SLC39A10: variants seen among roughly 807,000 people sequenced by gnomAD.
SLC39A10 encodes the protein solute carrier family 39 member 10, also known as zinc transporter ZIP10.
A neutral mutation model predicts 65.1 loss-of-function variants in SLC39A10; 13 were observed. That is an observed-to-expected ratio of 0.20 (90% CI 0.13 to 0.32). The LOEUF (loss-of-function observed/expected upper bound fraction) is 0.32. Ranked by LOEUF, SLC39A10 falls within the 10% of genes least tolerant of loss-of-function variation. The pLI is 1.00. For synonymous variants in SLC39A10, 321 were observed against 342.2 expected (o/e 0.94, Z 0.68); for missense variants, 831 against 1,018.4 (o/e 0.82, Z 2.50).
At chr2:195,660,722 AAAG>A (rs1689360986) in intron 1 of SLC39A10, among the ~76,000 whole-genome samples, 1 of 152,190 alleles carries the variant, frequency 6.6e-6, no homozygotes, top group Non-Finnish European at 1.5e-5. Flanking sequence ...TTGCTCCAAA[AAAG>A]AAATTTACGT....
At chr2:195,672,432 C>T (rs1207573756) in intron 1 of SLC39A10, among the ~76,000 whole-genome samples, 1 of 152,042 alleles carries the variant, frequency 6.6e-6, no homozygotes, top group South Asian at 2.1e-4. Context: ...CATACCTGGC[C>T]TAAATGATTC....
rs1168477291 is a variant in SLC39A10, at chr2:195,728,940, G to A, written c.2337+591G>A. Reference sequence around the variant, plus strand: ...TAGGACATTTACTTTTTTTTTTCTGGTAAGATCACAGTCTTATTTCAAAAT... The same window carrying A: ...TAGGACATTTACTTTTTTTTTTCTGATAAGATCACAGTCTTATTTCAAAAT... On this transcript the variant is annotated intron_variant, in intron 9 of 9. Coordinates refer to ENST00000359634, the MANE Select transcript of SLC39A10 (RefSeq NM_020342.3). This position sits in a 1 kb window ranked among gnomAD's most constrained non-coding sequence, Gnocchi z 4.4. Among the ~76,000 whole-genome samples, 1 of 147,238 alleles carries A rather than the reference G, an allele frequency of 6.8e-6. No homozygotes were observed. Among genetic ancestry groups the A allele is most frequent in the Admixed American group, 6.8e-5 (1 of 14,786 alleles).
intron 3 of SLC39A10, among the ~76,000 whole-genome samples, chr2:195,689,676 T>C (rs1690655909): frequency 6.6e-6 from 1 of 152,174 alleles, no homozygotes; most frequent in African/African-American, 2.4e-5. Flanking sequence ...CTTTTCATCT[T>C]GTAAAACCAA....
intron 2 of SLC39A10, among the ~76,000 whole-genome samples, chr2:195,644,873 C>T (rs553071618): frequency 2.8e-5 from 4 of 144,580 alleles, no homozygotes; most frequent in African/African-American, 1.0e-4. Flanking sequence ...TTGCCTCACC[C>T]ATGACCAATC....
chr2:195,661,779 A>G (rs1017644665), intron 1 of SLC39A10, among the ~76,000 whole-genome samples: 2 of 152,202 alleles, frequency 1.3e-5, no homozygotes, highest in Non-Finnish European at 2.9e-5. Context: ...CTGGTGATAC[A>G]GGTTTGCAGG....
intron 1 of SLC39A10, among the ~76,000 whole-genome samples, chr2:195,677,323 G>T (rs78889013): frequency 0.046 from 5,176 of 112,826 alleles, 132 homozygotes; most frequent in South Asian, 0.11. Flanking sequence ...ATTTGAGTTG[G>T]GAGGAGTGCT....
At chr2:195,663,337 A>T (rs1291022946) in intron 1 of SLC39A10, among the ~76,000 whole-genome samples, 1 of 152,072 alleles carries the variant, frequency 6.6e-6, no homozygotes, top group African/African-American at 2.4e-5. Context: ...TCCTTACATT[A>T]TTTTGCTTGC....
In SLC39A10 at chr2:195,727,027, T is replaced by C. The variant is rs113904583; in HGVS notation, c.2147-1132T>C. On this transcript the variant is annotated intron_variant, in intron 8 of 9. Transcript: ENST00000359634. The stretch of plus-strand genomic sequence containing the variant: ...TTTCGACCCATTAGCTTCAATACTA[T>C]TATTATCTCTAGCATCATTTTGTCC... Among the ~76,000 whole-genome samples, 434 of 152,322 alleles carry C rather than the reference T, an allele frequency of 2.8e-3. 3 individuals are homozygous for C. Among genetic ancestry groups the C allele is most frequent in the South Asian group, 5.8e-3 (28 of 4,828 alleles).
At position 195,736,880 on chromosome 2, in the gene SLC39A10, A is replaced by ATACC. The variant is rs1692632931; in HGVS notation, c.*1841_*1842insCCTA. On this transcript the variant is annotated 3_prime_UTR_variant, in exon 10 of 10. Coordinates refer to ENST00000359634, the MANE Select transcript of SLC39A10 (RefSeq NM_020342.3). ...GTACTGCCAACTTCAAGTGATTTAG[A>ATACC]TATCTATCTATCTAGATTTCTGAAC... 1 of 151,762 alleles carries ATACC rather than the reference A, an allele frequency of 6.6e-6. No homozygotes were observed. Among genetic ancestry groups the ATACC allele is most frequent in the Non-Finnish European group, 1.5e-5 (1 of 67,690 alleles). 9.4% of individuals were successfully genotyped at this position (151,762 alleles called of 1,614,324 possible).
At chr2:195,722,993 G>A (rs1692100615) in intron 8 of SLC39A10, among the ~76,000 whole-genome samples, 1 of 152,172 alleles carries the variant, frequency 6.6e-6, no homozygotes, top group Non-Finnish European at 1.5e-5. Context: ...TTGTTTTAGA[G>A]ATTAATGATG....
At chr2:195,674,346 C>T (rs776211215) in intron 1 of SLC39A10, among the ~76,000 whole-genome samples, 3 of 152,066 alleles carry the variant, frequency 2.0e-5, no homozygotes, top group Non-Finnish European at 4.4e-5. Flanking sequence ...GGCATGATCT[C>T]GGCTCACTGC....
intron 3 of SLC39A10, among the ~76,000 whole-genome samples, chr2:195,697,839 A>C (rs1574284872): frequency 1.3e-5 from 2 of 152,326 alleles, no homozygotes. Context: ...ATCACTGATT[A>C]TTAGAGAAAT....
chr2:195,681,201 CAG>C (rs1690298626), intron 2 of SLC39A10, 151 bp downstream of exon 2: 4 of 865,722 alleles, frequency 4.6e-6, no homozygotes, highest in Non-Finnish European at 6.9e-6. Flanking sequence ...TGTTCATGAA[CAG>C]AATACATTAA....
At chr2:195,695,554 C>T (rs1255507104) in intron 3 of SLC39A10, among the ~76,000 whole-genome samples, 2 of 152,160 alleles carry the variant, frequency 1.3e-5, no homozygotes, top group East Asian at 1.9e-4. Context: ...AGCAAGTGGA[C>T]TCACAGTTTT....
intron 1 of SLC39A10, among the ~76,000 whole-genome samples, chr2:195,669,306 A>T (rs1417912614): frequency 6.6e-6 from 1 of 152,200 alleles, no homozygotes; most frequent in African/African-American, 2.4e-5. Context: ...TTTAATAAAG[A>T]TCTCACAGTG....
At chr2:195,653,937 T>G (rs1182090457), upstream of SLC39A10, among the ~76,000 whole-genome samples, 1 of 152,154 alleles carries the variant, frequency 6.6e-6, no homozygotes, top group Non-Finnish European at 1.5e-5. Flanking sequence ...GTTCTTTTTT[T>G]TGTTTGTTTT....
chr2:195,626,524 TA>T (rs767929077), intron 2 of SLC39A10, among the ~76,000 whole-genome samples: 9 of 152,222 alleles, frequency 5.9e-5, no homozygotes, highest in Admixed American at 2.0e-4. Flanking sequence ...TAATTAGACA[TA>T]TAATGGAGAA....
upstream of SLC39A10, chr2:195,656,665 A>G (rs575513769): frequency 3.9e-5 from 6 of 152,374 alleles, no homozygotes; most frequent in East Asian, 1.2e-3. Context: ...CTGTTGCCCT[A>G]AGAGACTGAA....
intron 2 of SLC39A10, 79 bp from the exon 3 acceptor site, chr2:195,683,620 T>A (rs1331222655): frequency 1.7e-5 from 18 of 1,038,396 alleles, no homozygotes; most frequent in Non-Finnish European, 2.6e-5. Context: ...TTAGAGTATT[T>A]CTTAGGCAGT....
Sources: gnomAD v4.1 joint callset for allele counts (sites outside exome capture counted in the v4.1 genomes callset) on GRCh38, gnomAD v4.1.1 for gene constraint, Gnocchi (gnomAD v3.1) non-coding constraint, MANE v1.5 for transcripts, NCBI Gene and HGNC (gene_info 2026-07-23, HGNC 2026-07-21) for gene names.